The following KLF7 variants were observed in gnomAD, a reference collection of about 807,000 sequenced individuals.
KLF7 encodes the protein Krueppel-like factor 7.
In KLF7, 2 loss-of-function variants were observed where a neutral mutation model predicts 27.3. The ratio of observed to expected loss-of-function variants is 0.07; its 90% CI spans 0.03 to 0.23. The LOEUF (loss-of-function observed/expected upper bound fraction) is 0.23, where lower values mean the gene tolerates loss of function less well. KLF7 is among the 10% of genes least tolerant of loss of function. The pLI is 1.00. For missense variants in KLF7, 221 were observed against 394.1 expected (o/e 0.56, Z 3.72); for synonymous variants, 165 against 162.4 (o/e 1.02, Z -0.12).
At chr2:207,167,912 G>A (rs1042774015), upstream of KLF7, among the ~76,000 whole-genome samples, 3 of 152,118 alleles carry the variant, frequency 2.0e-5, no homozygotes, top group African/African-American at 7.2e-5. Context: ...CTCCCCACTT[G>A]AGCTATGTAA....
intron 3 of KLF7, among the ~76,000 whole-genome samples, chr2:207,085,105 T>C (rs1364866191): frequency 7.6e-6 from 1 of 130,910 alleles, no homozygotes; most frequent in Non-Finnish European, 1.5e-5. Context: ...GAGGTTGCAG[T>C]GAGCCGAGAT....
At chr2:207,166,723 C>T (rs2078723595), upstream of KLF7, 3 of 881,998 alleles carry the variant, frequency 3.4e-6, no homozygotes, top group East Asian at 1.2e-4. Context: ...GGCAGGGACC[C>T]GCGCGAGGCG....
chr2:207,128,253 GAAT>G (rs1476290369), intron 1 of KLF7, among the ~76,000 whole-genome samples: 1 of 152,118 alleles, frequency 6.6e-6, no homozygotes, highest in Non-Finnish European at 1.5e-5. Flanking sequence ...ATGGCCAAAT[GAAT>G]AATAATAGGT....
Position 207,093,105 on chromosome 2 carries a change from C to A in KLF7, c.734-4524G>T, listed in dbSNP as rs117195135. ...GAGCATAAGTGACTCTTACAGGGGG[C>A]CTTAGTCTATATATTTCCATATAAA... On this transcript the variant is annotated intron_variant, in intron 2 of 3. Transcript: ENST00000309446. Among the ~76,000 whole-genome samples, 150 of 152,218 alleles carry A rather than the reference C, an allele frequency of 9.9e-4. 2 individuals carry two copies. In the East Asian group the frequency reaches 0.024, roughly 24 times the overall value.
rs200030514 is a variant in KLF7, at chr2:207,157,924, GGAA to G, written c.102+7540_102+7542del. 4.9e-3 allele frequency among the ~76,000 whole-genome samples: 747 copies of G among 152,332 alleles called. 24 individuals carry two copies. The highest frequency in any genetic ancestry group is 0.042 in the Admixed American group (636 of 15,298). On this transcript the variant is annotated intron_variant, in intron 1 of 3. Coordinates refer to ENST00000309446, the MANE Select transcript of KLF7 (RefSeq NM_003709.4). ...AGCCAGGAAAAAGGAAGCAGTCCGT[GGAA>G]GAAGTTGATGAGTTAGGGGTTTAGG...
intron 1 of KLF7, among the ~76,000 whole-genome samples, chr2:207,163,137 G>A (rs1013095321): frequency 2.0e-5 from 3 of 152,160 alleles, no homozygotes; most frequent in African/African-American, 7.2e-5. Flanking sequence ...GTAAACCTAT[G>A]GTCCTAGTCG....
chr2:207,169,184 T>C (rs776852598), upstream of KLF7, among the ~76,000 whole-genome samples: 3 of 152,082 alleles, frequency 2.0e-5, no homozygotes, highest in African/African-American at 4.8e-5. Context: ...CCTTGGGAGG[T>C]GTTCATTTTA....
intron 3 of KLF7, among the ~76,000 whole-genome samples, chr2:207,085,120 C>T (rs2076357316): frequency 7.2e-6 from 1 of 138,796 alleles, no homozygotes; most frequent in Admixed American, 7.8e-5. Context: ...CGAGATCGCA[C>T]CACTGCACTC....
At chr2:207,162,629 A>T (rs1416926715) in intron 1 of KLF7, among the ~76,000 whole-genome samples, 2 of 152,236 alleles carry the variant, frequency 1.3e-5, no homozygotes, top group South Asian at 2.1e-4. Flanking sequence ...GACGAGAGGG[A>T]GCCCTGCCAC....
chr2:207,133,746 G>C (rs190426969), intron 1 of KLF7, among the ~76,000 whole-genome samples: 6 of 151,982 alleles, frequency 3.9e-5, no homozygotes, highest in African/African-American at 9.7e-5. Context: ...AGAGGGGGAG[G>C]GGGGGAGCCA....
At chr2:207,151,031 G>C (rs1011499489) in intron 1 of KLF7, among the ~76,000 whole-genome samples, 1 of 144,228 alleles carries the variant, frequency 6.9e-6, no homozygotes, top group Non-Finnish European at 1.5e-5. Context: ...GAAAGGAAGG[G>C]AGGGAGGGAG....
chr2:207,080,588 CA>C lies in KLF7; in HGVS notation c.*624del. 1 of 366,832 alleles carries C rather than the reference CA, an allele frequency of 2.7e-6. No homozygotes were observed. Among genetic ancestry groups the C allele is most frequent in the Non-Finnish European group, 4.8e-6 (1 of 206,680 alleles). The allele number at this position is 366,832 out of a possible 1,614,324, so 22.7% of individuals were successfully genotyped here. A position where few individuals can be genotyped will look rare whatever the true frequency, so the allele number is the denominator to read the frequency against. On this transcript the variant is annotated 3_prime_UTR_variant, in exon 4 of 4. Coordinates refer to ENST00000309446, the MANE Select transcript of KLF7 (RefSeq NM_003709.4). ...GAAAGATCTCAATAGTACTAAGAACCAAAACCAGTCAACAGTTCTGTGAGGA... is the reference window on the plus strand; with the variant it reads ...GAAAGATCTCAATAGTACTAAGAACCAAACCAGTCAACAGTTCTGTGAGGA...
intron 2 of KLF7, among the ~76,000 whole-genome samples, chr2:207,090,038 T>C (rs2076475972): frequency 6.6e-6 from 1 of 152,190 alleles, no homozygotes; most frequent in Non-Finnish European, 1.5e-5. Context: ...TTCACAATTC[T>C]TTATTTGTAT....
intron 2 of KLF7, among the ~76,000 whole-genome samples, chr2:207,100,338 A>C (rs896432108): frequency 1.3e-5 from 2 of 152,204 alleles, no homozygotes; most frequent in African/African-American, 4.8e-5. Flanking sequence ...ATTTTTTTAG[A>C]GACTAAATTT....
chr2:207,088,633 A>T, intron 2 of KLF7, 52 bp from the exon 3 acceptor site: 4 of 1,590,216 alleles, frequency 2.5e-6, no homozygotes, highest in Non-Finnish European at 3.4e-6. Flanking sequence ...AAAAGGGATT[A>T]CACCCAACCA....
At chr2:207,137,771 T>C (rs774271000) in intron 1 of KLF7, among the ~76,000 whole-genome samples, 9 of 152,198 alleles carry the variant, frequency 5.9e-5, no homozygotes, top group Non-Finnish European at 1.2e-4. Flanking sequence ...AATCTTTCGT[T>C]GTCCCTAGAG....
chr2:207,083,539 C>G (rs1047143814), intron 3 of KLF7, among the ~76,000 whole-genome samples: 11 of 152,338 alleles, frequency 7.2e-5, no homozygotes, highest in African/African-American at 2.6e-4. Context: ...AGAGCCCACA[C>G]TCTTAGTCAC....
At chr2:207,151,253 C>T (rs2078238590) in intron 1 of KLF7, among the ~76,000 whole-genome samples, 1 of 152,138 alleles carries the variant, frequency 6.6e-6, no homozygotes, top group Admixed American at 6.5e-5. Context: ...GTTCCCTCAG[C>T]CATGTTGCAC....
intron 2 of KLF7, 50 bp downstream of exon 2, chr2:207,123,724 G>C (rs758454991): frequency 3.8e-6 from 6 of 1,561,430 alleles, no homozygotes; most frequent in East Asian, 2.2e-5. Flanking sequence ...ACATGACGAG[G>C]CTACAGGAGG....
Sources: allele counts gnomAD v4.1 joint callset (sites outside exome capture counted in the v4.1 genomes callset), GRCh38; gene constraint gnomAD v4.1.1; transcripts MANE v1.5; gene names NCBI Gene and HGNC (gene_info 2026-07-23, HGNC 2026-07-21).